The following CEP112 variants were observed in gnomAD, a reference collection of about 807,000 sequenced individuals.
CEP112 encodes the protein centrosomal protein of 112 kDa.
Under a neutral mutation model 153.0 loss-of-function variants are expected in CEP112, and 127 were observed. The observed-to-expected ratio is 0.83, with a 90% CI of 0.72 to 0.96. CEP112 has a LOEUF of 0.96. Ranked by LOEUF, CEP112 falls within the 40% of genes least tolerant of loss-of-function variation. CEP112 has a pLI of 0.00. For synonymous variants in CEP112, 358 were observed against 374.4 expected, an observed-to-expected ratio of 0.96 and a Z score of 0.51; for missense variants, 1,089 against 1,101.2, an observed-to-expected ratio of 0.99 and a Z score of 0.16.
intron 4 of CEP112, among the ~76,000 whole-genome samples, chr17:66,141,060 CTGTAT>C (rs1190039905): frequency 6.6e-6 from 1 of 152,076 alleles, no homozygotes; most frequent in Non-Finnish European, 1.5e-5. Flanking sequence ...CATATTATCT[CTGTAT>C]TGGGGATTTT....
At chr17:65,949,666 G>A (rs373044745) in intron 18 of CEP112, among the ~76,000 whole-genome samples, 1 of 152,190 alleles carries the variant, frequency 6.6e-6, no homozygotes, top group Admixed American at 6.5e-5. Context: ...AATTGAAGAA[G>A]TAAGATCGAA....
At chr17:65,793,714 T>C (rs1156713032) in intron 21 of CEP112, among the ~76,000 whole-genome samples, 3 of 152,178 alleles carry the variant, frequency 2.0e-5, no homozygotes, top group East Asian at 3.9e-4. Context: ...GGATCTAAAA[T>C]TGAGATAAAT....
chr17:65,797,388 T>A (rs1197741143), intron 21 of CEP112: 1 of 152,236 alleles, frequency 6.6e-6, no homozygotes, highest in Non-Finnish European at 1.5e-5. Flanking sequence ...CCTGGCTCAT[T>A]TGTTACTGCC....
intron 21 of CEP112, among the ~76,000 whole-genome samples, chr17:65,760,499 C>A (rs957657157): frequency 6.6e-6 from 1 of 151,970 alleles, no homozygotes; most frequent in African/African-American, 2.4e-5. Context: ...AATGATTTTT[C>A]TGCATCTATT....
At chr17:66,048,785 T>G (rs2066320597) in intron 12 of CEP112, among the ~76,000 whole-genome samples, 1 of 152,062 alleles carries the variant, frequency 6.6e-6, no homozygotes, top group South Asian at 2.1e-4. Context: ...AATTCTGTAT[T>G]TTTAGTATAG....
intron 17 of CEP112, among the ~76,000 whole-genome samples, chr17:65,969,997 A>G (rs1247082269): frequency 6.6e-6 from 1 of 152,224 alleles, no homozygotes; most frequent in South Asian, 2.1e-4. Context: ...CATGTTACAC[A>G]CATATCACAT....
At chr17:65,697,547 T>A (rs77419572) in intron 23 of CEP112, among the ~76,000 whole-genome samples, 2 of 152,246 alleles carry the variant, frequency 1.3e-5, no homozygotes, top group South Asian at 2.1e-4. Context: ...ATTTTTTTTT[T>A]AATCATATTG....
intron 6 of CEP112, among the ~76,000 whole-genome samples, chr17:66,126,104 G>A (rs530454750): frequency 8.7e-4 from 133 of 152,252 alleles, no homozygotes; most frequent in African/African-American, 2.9e-3. Flanking sequence ...TTTCATGATT[G>A]TGATTTTCAT....
chr17:65,963,450 T>C (rs1288508280), intron 17 of CEP112, among the ~76,000 whole-genome samples: 6 of 152,170 alleles, frequency 3.9e-5, no homozygotes, highest in Admixed American at 3.9e-4. Flanking sequence ...CAAAAATTTC[T>C]AGGCTTTTCA....
At position 66,129,758 on chromosome 17, in the gene CEP112, A is replaced by T; in HGVS notation, c.630T>A (p.Ser210Arg). The part of the protein sequence containing the change: ...DDSDIEARLN[S>R]WNLGIENPRY... ...TACTTTTTTTTACCCCAAGATTCCAACTATTAAGGCGAGCTTCAATGTCAC... is the reference window on the plus strand; with the variant it reads ...TACTTTTTTTTACCCCAAGATTCCATCTATTAAGGCGAGCTTCAATGTCAC... Residue 210 changes from serine (S) to arginine (R), a missense_variant, in exon 6 of 27, where the codon AGT becomes AGA. By Grantham distance (110) the Ser-to-Arg change is moderately radical. Transcript: ENST00000535342. The T allele has an allele frequency of 1.2e-6, 2 of 1,610,258 alleles. No homozygotes were observed. The highest frequency in any genetic ancestry group is 8.5e-7 in the Non-Finnish European group (1 of 1,178,150).
chr17:65,936,875 G>C (rs1221075005), intron 18 of CEP112, among the ~76,000 whole-genome samples: 1 of 145,928 alleles, frequency 6.9e-6, no homozygotes, highest in Non-Finnish European at 1.5e-5. Flanking sequence ...AGCCGAAGCT[G>C]TACTGTACTG....
chr17:65,650,740 A>AT (rs1567810626), intron 24 of CEP112, among the ~76,000 whole-genome samples: 35 of 149,720 alleles, frequency 2.3e-4, no homozygotes, highest in South Asian at 1.1e-3. Flanking sequence ...TAAAAAAAAA[A>AT]AAAAAAAAAA....
At chr17:65,811,507 A>G (rs995119975) in intron 21 of CEP112, among the ~76,000 whole-genome samples, 1 of 152,214 alleles carries the variant, frequency 6.6e-6, no homozygotes, top group African/African-American at 2.4e-5. Context: ...GACTCTAGTC[A>G]TACCCCTGAA....
At chr17:66,079,955 T>C (rs1262416804) in intron 8 of CEP112, among the ~76,000 whole-genome samples, 2 of 152,046 alleles carry the variant, frequency 1.3e-5, no homozygotes, top group African/African-American at 4.8e-5. Flanking sequence ...TGGCTAGCCA[T>C]AGGTAGAAAA....
intron 20 of CEP112, among the ~76,000 whole-genome samples, chr17:65,900,655 C>G (rs116233995): frequency 6.6e-6 from 1 of 152,148 alleles, no homozygotes; most frequent in African/African-American, 2.4e-5. Flanking sequence ...AAATCCTACA[C>G]TGACTCAGAA....
At chr17:65,684,477 G>A (rs1189802488) in intron 24 of CEP112, among the ~76,000 whole-genome samples, 1 of 151,994 alleles carries the variant, frequency 6.6e-6, no homozygotes, top group Non-Finnish European at 1.5e-5. Flanking sequence ...ACATTTTTTG[G>A]TGTCTTTGTT....
chr17:66,184,059 G>A (rs1413134494), intron 1 of CEP112, among the ~76,000 whole-genome samples: 3 of 151,876 alleles, frequency 2.0e-5, no homozygotes, highest in African/African-American at 7.3e-5. Flanking sequence ...GACCACCCTG[G>A]GCAATTTGGT....
At position 66,179,084 on chromosome 17, in the gene CEP112, G is replaced by T. The variant is rs2072610926; in HGVS notation, c.107-2064C>A. The stretch of plus-strand genomic sequence containing the variant: ...TTTTACGCCAGTACCATGATGGTTT[G>T]GTTACAATTGCTCTGTAGTATAATT... On this transcript the variant is annotated intron_variant, in intron 2 of 26. Coordinates refer to ENST00000535342, the MANE Select transcript of CEP112 (RefSeq NM_001199165.4). Among the ~76,000 whole-genome samples, 5 of 152,086 alleles carry T rather than the reference G, an allele frequency of 3.3e-5. No individual in the cohort carries two copies. In the South Asian group the frequency reaches 1.0e-3, roughly 32 times the overall value.
At chr17:66,134,838 C>T (rs936911786) in intron 4 of CEP112, among the ~76,000 whole-genome samples, 1 of 152,082 alleles carries the variant, frequency 6.6e-6, no homozygotes. Flanking sequence ...AACGAACAAA[C>T]AAAAACCATT....
Sources: allele counts gnomAD v4.1 joint callset (sites outside exome capture counted in the v4.1 genomes callset), GRCh38; gene constraint gnomAD v4.1.1; transcripts MANE v1.5; gene names NCBI Gene and HGNC (gene_info 2026-07-23, HGNC 2026-07-21).